Variants in PIK3C3 observed in about 807,000 individuals in gnomAD.
PIK3C3 encodes PI3-kinase type 3.
Under a neutral mutation model 126.1 loss-of-function variants are expected in PIK3C3, and 95 were observed. The ratio of observed to expected loss-of-function variants is 0.75; its 90% CI spans 0.64 to 0.89. The LOEUF (loss-of-function observed/expected upper bound fraction) is 0.89. Ranked by LOEUF, PIK3C3 falls within the 40% of genes least tolerant of loss-of-function variation. PIK3C3 has a pLI of 0.00. For missense variants in PIK3C3, 829 were observed against 1,063.2 expected, an observed-to-expected ratio of 0.78 and a Z score of 3.06; for synonymous variants, 374 against 360.0, an observed-to-expected ratio of 1.04 and a Z score of -0.44.
intron 10 of PIK3C3, among the ~76,000 whole-genome samples, chr18:42,010,100 C>G (rs745522497): frequency 2.6e-5 from 4 of 152,202 alleles, no homozygotes; most frequent in Non-Finnish European, 4.4e-5. Context: ...AGTCCTCCCT[C>G]TCAAATACTG....
chr18:42,058,027 A>T lies in PIK3C3; in HGVS notation c.2408A>T (p.Tyr803Phe). Residue 803 changes from tyrosine to phenylalanine, a missense_variant, in exon 22 of 25, where the codon TAC becomes TTC. Tyr to Phe is a conservative substitution (Grantham distance 22). Coordinates refer to ENST00000262039, the MANE Select transcript of PIK3C3 (RefSeq NM_002647.4). ...TACCAAGAGTTCCGTAAACAGTGTT[A>T]CACGGCTTTCCTCCACCTGCGAAGG... ...EQYQEFRKQC[Y>F]TAFLHLRRYS... is the part of the protein sequence containing the mutation. The T allele has an allele frequency of 6.3e-7, 1 of 1,597,216 alleles. No homozygotes were observed.
chr18:42,072,983 CA>C (rs1347905577), intron 24 of PIK3C3, among the ~76,000 whole-genome samples: 1 of 152,162 alleles, frequency 6.6e-6, no homozygotes, highest in East Asian at 1.9e-4. Flanking sequence ...TTCTCCCTGT[CA>C]TCCTTTCTTT....
chr18:41,961,654 G>T (rs569668548), intron 2 of PIK3C3, among the ~76,000 whole-genome samples: 3 of 152,260 alleles, frequency 2.0e-5, no homozygotes, highest in African/African-American at 7.2e-5. Flanking sequence ...AACAGAAATA[G>T]AATTCTATGT....
In PIK3C3 at chr18:41,957,738, A is replaced by C; in HGVS notation, c.237A>C (p.Lys79Asn). Residue 79 changes from lysine (K) to asparagine (N), a missense_variant, in exon 2 of 25, where the codon AAA (lysine) becomes AAC (asparagine). Transcript: ENST00000262039. ...CCTTGCCAGTGAGAACATCCTACAAAGCATTTAGTACAAGATGGAAGTAAG... is the reference window on the plus strand; with the variant it reads ...CCTTGCCAGTGAGAACATCCTACAACGCATTTAGTACAAGATGGAAGTAAG... ...PLALPVRTSY[K>N]AFSTRWNWNE... is the part of the protein sequence containing the mutation. 6.2e-7 allele frequency: 1 copy of C among 1,612,646 alleles called. No individual in the cohort carries two copies. Among genetic ancestry groups the C allele is most frequent in the Admixed American group, 1.7e-5 (1 of 59,454 alleles).
At chr18:41,960,780 G>A (rs986475626) in intron 2 of PIK3C3, among the ~76,000 whole-genome samples, 3 of 150,340 alleles carry the variant, frequency 2.0e-5, no homozygotes. Context: ...GTCTCGCTCT[G>A]TCGCCAGGCT....
At chr18:42,015,360 T>C in intron 11 of PIK3C3, 116 bp from the exon 12 acceptor site, 3 of 737,210 alleles carry the variant, frequency 4.1e-6, no homozygotes, top group Admixed American at 2.1e-5. Context: ...GAACACACTT[T>C]AGGAAGTGTT....
intron 13 of PIK3C3, chr18:42,026,912 A>C (rs2144434162): frequency 6.6e-6 from 1 of 152,350 alleles, no homozygotes; most frequent in Admixed American, 6.5e-5. Context: ...TTTAATTGGA[A>C]AGTTAAAGAT....
chr18:41,989,424 C>T (rs369931069), intron 5 of PIK3C3, among the ~76,000 whole-genome samples: 107 of 152,206 alleles, frequency 7.0e-4, no homozygotes, highest in South Asian at 4.6e-3. Flanking sequence ...GCTAATCACC[C>T]GCTTAGACTT....
Position 41,962,557 on chromosome 18 carries a change from C to T in PIK3C3, c.326C>T (p.Thr109Ile). Reference sequence around the variant, plus strand: ...CCCAGGAATGCCCAAGTGGCCCTCACCATATGGGATGTGTATGGTCCCGGA... The same window carrying T: ...CCCAGGAATGCCCAAGTGGCCCTCATCATATGGGATGTGTATGGTCCCGGA... The part of the protein sequence containing the change: ...DLPRNAQVAL[T>I]IWDVYGPGKA... The change falls in exon 3 of 25, where the codon ACC (threonine) becomes ATC (isoleucine). Residue 109 changes from threonine to isoleucine, a missense_variant. Thr to Ile is a moderately conservative substitution (Grantham distance 89). This residue lies in a region of PIK3C3 where 313 missense variants were observed against 340.7 expected (regional missense o/e 0.92). Transcript: ENST00000262039. 1.2e-6 allele frequency: 2 copies of T among 1,613,748 alleles called. No individual in the cohort carries two copies. Among genetic ancestry groups the T allele is most frequent in the South Asian group, 1.1e-5 (1 of 91,054 alleles).
intron 19 of PIK3C3, among the ~76,000 whole-genome samples, chr18:42,042,672 C>G (rs1984375326): frequency 6.6e-6 from 1 of 152,180 alleles, no homozygotes; most frequent in South Asian, 2.1e-4. Flanking sequence ...AGTTTGTATA[C>G]TGATTCTTGG....
In PIK3C3 at chr18:42,004,450, T is replaced by G; in HGVS notation, c.1079T>G (p.Val360Gly). 2.5e-6 allele frequency: 4 copies of G among 1,613,702 alleles called. No homozygotes were observed. The highest frequency in any genetic ancestry group is 3.4e-6 in the Non-Finnish European group (4 of 1,179,688). Residue 360 changes from valine (V) to glycine (G), a missense_variant, in exon 10 of 25, where the codon GTA becomes GGA. By Grantham distance (109) the Val-to-Gly change is moderately radical. Around this residue, in one of 4 missense-constraint regions of PIK3C3, gnomAD observed 64 missense variants for 118.7 expected, o/e 0.54. Coordinates refer to ENST00000262039, the MANE Select transcript of PIK3C3 (RefSeq NM_002647.4). ...ELLGKWKPMDVEDSLELLSSH... is the reference protein window; with the variant it reads ...ELLGKWKPMDGEDSLELLSSH... Reference sequence around the variant, plus strand: ...CTGGGAAAATGGAAGCCGATGGATGTAGAGGACTCCTTGGAGCTGTTATCC... The same window carrying G: ...CTGGGAAAATGGAAGCCGATGGATGGAGAGGACTCCTTGGAGCTGTTATCC...
At chr18:42,003,423 C>G (rs965732313) in intron 9 of PIK3C3, among the ~76,000 whole-genome samples, 13 of 152,104 alleles carry the variant, frequency 8.5e-5, no homozygotes, top group African/African-American at 2.9e-4. Flanking sequence ...TTATGGAAAG[C>G]AAGTACATGC....
intron 24 of PIK3C3, among the ~76,000 whole-genome samples, chr18:42,074,132 A>G (rs1348223108): frequency 6.6e-6 from 1 of 152,164 alleles, no homozygotes; most frequent in African/African-American, 2.4e-5. Context: ...TAGTAAATGT[A>G]ACAATAGTAA....
intron 5 of PIK3C3, among the ~76,000 whole-genome samples, chr18:41,990,059 A>G (rs932280692): frequency 1.3e-5 from 2 of 152,254 alleles, no homozygotes; most frequent in African/African-American, 4.8e-5. Flanking sequence ...ATTGATTTCT[A>G]TGGTTTAGTC....
chr18:41,959,656 T>C (rs1269538398), intron 2 of PIK3C3, among the ~76,000 whole-genome samples: 1 of 152,004 alleles, frequency 6.6e-6, no homozygotes, highest in Non-Finnish European at 1.5e-5. Flanking sequence ...TGCCTGGACA[T>C]GGTGGCAGGT....
chr18:41,959,875 G>A (rs1979991561), intron 2 of PIK3C3, among the ~76,000 whole-genome samples: 1 of 152,124 alleles, frequency 6.6e-6, no homozygotes, highest in Non-Finnish European at 1.5e-5. Context: ...TTCGAAAGTT[G>A]AATTTATTGG....
chr18:42,055,890 C>A (rs1044153215), intron 21 of PIK3C3, among the ~76,000 whole-genome samples: 5 of 151,968 alleles, frequency 3.3e-5, no homozygotes, highest in Admixed American at 1.3e-4. Context: ...CCTCAAACTA[C>A]AATTTTAGAA....
intron 10 of PIK3C3, among the ~76,000 whole-genome samples, chr18:42,008,902 C>G (rs1982672648): frequency 6.6e-6 from 1 of 152,104 alleles, no homozygotes; most frequent in Non-Finnish European, 1.5e-5. Context: ...AAGTTTTCTA[C>G]TGAATTTCCC....
intron 9 of PIK3C3, among the ~76,000 whole-genome samples, chr18:42,001,588 CTTCA>C (rs1389081359): frequency 2.0e-5 from 3 of 152,126 alleles, no homozygotes; most frequent in Admixed American, 6.5e-5. Context: ...TTGTTTTCTT[CTTCA>C]TTCTGTTGGC....
Sources: allele counts gnomAD v4.1 joint callset (sites outside exome capture counted in the v4.1 genomes callset), GRCh38; gene constraint gnomAD v4.1.1; regional missense constraint gnomAD v4.1.1; transcripts MANE v1.5; gene names NCBI Gene and HGNC (gene_info 2026-07-23, HGNC 2026-07-21).